TMPRSS11A: variants seen among roughly 807,000 people sequenced by gnomAD.
TMPRSS11A encodes transmembrane protease serine 11A.
Under a neutral mutation model 58.9 loss-of-function variants are expected in TMPRSS11A, and 53 were observed. The observed-to-expected ratio is 0.90, with a 90% confidence interval of 0.72 to 1.13. The LOEUF (loss-of-function observed/expected upper bound fraction) is 1.13. Among genes scored for constraint, TMPRSS11A ranks in the 50% most tolerant of loss-of-function variants. TMPRSS11A has a pLI of 0.00. For missense variants in TMPRSS11A, 493 were observed against 499.3 expected (o/e 0.99, Z 0.12); for synonymous variants, 167 against 169.8 (o/e 0.98, Z 0.13).
At chr4:67,956,330 A>C (rs781212759) in intron 1 of TMPRSS11A, among the ~76,000 whole-genome samples, 7 of 152,226 alleles carry the variant, frequency 4.6e-5, no homozygotes, top group Non-Finnish European at 8.8e-5. Flanking sequence ...GTCTGACTTC[A>C]AAGCCATCTG....
At chr4:67,948,947 C>T (rs965888069) in intron 1 of TMPRSS11A, among the ~76,000 whole-genome samples, 5 of 151,026 alleles carry the variant, frequency 3.3e-5, no homozygotes, top group East Asian at 1.9e-4. Flanking sequence ...GTGCCCCTCT[C>T]GATTGATTTC....
intron 3 of TMPRSS11A, among the ~76,000 whole-genome samples, chr4:67,932,479 C>T (rs961904311): frequency 6.6e-6 from 1 of 152,098 alleles, no homozygotes; most frequent in South Asian, 2.1e-4. Flanking sequence ...TGGATTTGAG[C>T]GTATACTACT....
At chr4:67,929,702 T>C (rs566734434) in intron 5 of TMPRSS11A, among the ~76,000 whole-genome samples, 178 bp downstream of exon 5, 1 of 152,194 alleles carries the variant, frequency 6.6e-6, no homozygotes, top group Non-Finnish European at 1.5e-5. Flanking sequence ...GATGACTAAC[T>C]TCAGACATGC....
At chr4:67,920,615 A>C (rs76582650) in intron 7 of TMPRSS11A, among the ~76,000 whole-genome samples, 8 of 149,830 alleles carry the variant, frequency 5.3e-5, no homozygotes, top group Non-Finnish European at 1.2e-4. Flanking sequence ...GTATGCATAT[A>C]TATGTGTGTG....
chr4:67,957,174 G>T (rs773833685), intron 1 of TMPRSS11A, among the ~76,000 whole-genome samples: 1 of 152,108 alleles, frequency 6.6e-6, no homozygotes, highest in Non-Finnish European at 1.5e-5. Context: ...GTGTGAAAAC[G>T]GACTAATACA....
intron 1 of TMPRSS11A, among the ~76,000 whole-genome samples, chr4:67,961,506 T>C (rs1398986120): frequency 0.14 from 9,728 of 67,434 alleles, 1,347 homozygotes; most frequent in South Asian, 0.19. Context: ...TTTTTTTTTT[T>C]TTTTTTTTTT....
chr4:67,947,413 T>C (rs754526883), intron 1 of TMPRSS11A, among the ~76,000 whole-genome samples: 6 of 148,906 alleles, frequency 4.0e-5, no homozygotes, highest in Non-Finnish European at 8.8e-5. Context: ...TTTAATGACA[T>C]TGACCATTGA....
intron 4 of TMPRSS11A, among the ~76,000 whole-genome samples, chr4:67,930,587 A>G (rs1029151751): frequency 2.0e-5 from 3 of 152,056 alleles, no homozygotes; most frequent in Non-Finnish European, 4.4e-5. Context: ...TTCCTCCTCT[A>G]GCCCAAATAT....
intron 4 of TMPRSS11A, among the ~76,000 whole-genome samples, chr4:67,930,617 G>A (rs1028599546): frequency 6.6e-6 from 1 of 151,658 alleles, no homozygotes; most frequent in Admixed American, 6.6e-5. Context: ...ACAATATTGT[G>A]GTCCCCGAGT....
chr4:67,909,797 A>T lies in TMPRSS11A; in HGVS notation c.*1545T>A, dbSNP rs529744092. The T allele has an allele frequency of 2.1e-3, 320 of 152,264 alleles. 2 individuals carry two copies. Among genetic ancestry groups the T allele is most frequent in the African/African-American group, 7.1e-3 (297 of 41,572 alleles). The allele number at this position is 152,264 out of a possible 1,614,324, so 9.4% of individuals were successfully genotyped here. A position where few individuals can be genotyped will look rare whatever the true frequency, so the allele number is the denominator to read the frequency against. ...AATAAAAATAGTTAAGAATATACTC[A>T]TATTCTTAAACATAACATAAGTATA... On this transcript the variant is annotated 3_prime_UTR_variant, in exon 10 of 10. Transcript: ENST00000508048.
intron 1 of TMPRSS11A, 104 bp from the exon 2 acceptor site, chr4:67,946,675 C>A (rs1399345185): frequency 1.2e-5 from 14 of 1,160,378 alleles, no homozygotes; most frequent in East Asian, 1.1e-4. Context: ...CCTTTCCCTG[C>A]AAAAAGGTCT....
At chr4:67,930,152 G>T in intron 4 of TMPRSS11A, 112 bp from the exon 5 acceptor site, 2 of 899,842 alleles carry the variant, frequency 2.2e-6, no homozygotes, top group Non-Finnish European at 3.3e-6. Flanking sequence ...AGAGTGTCAA[G>T]TGCTGATCCT....
In TMPRSS11A at chr4:67,944,824, A is replaced by C. The variant is rs148131137; in HGVS notation, c.134-187T>G. ...CTGCCATTTATTGAGTTTCTACAAT[A>C]TGGCAGGCACTGTCCTGTGCACTTT... is the stretch of plus-strand genomic sequence containing the variant. On this transcript the variant is annotated intron_variant, in intron 2 of 9. Transcript: ENST00000508048. Among the ~76,000 whole-genome samples, 64 of 152,320 alleles carry C rather than the reference A, an allele frequency of 4.2e-4. No homozygotes were observed. The East Asian group carries it at 0.012, about 29-fold the overall frequency.
At chr4:67,922,151 G>A (rs886539308) in intron 7 of TMPRSS11A, among the ~76,000 whole-genome samples, 2 of 152,174 alleles carry the variant, frequency 1.3e-5, no homozygotes, top group African/African-American at 4.8e-5. Flanking sequence ...TGGCCCAAGG[G>A]CCTCTATGAA....
In TMPRSS11A at chr4:67,911,302, G is replaced by T; in HGVS notation, c.*40C>A. 2 of 1,594,396 alleles carry T rather than the reference G, an allele frequency of 1.3e-6. No homozygotes were observed. The highest frequency in any genetic ancestry group is 1.7e-6 in the Non-Finnish European group (2 of 1,164,880). ...AATAGTTGAATTCTCATGCATATAT[G>T]ACCTGCATACAGCTTTCTTTGTTTA... is the stretch of plus-strand genomic sequence containing the variant. On this transcript the variant is annotated 3_prime_UTR_variant, in exon 10 of 10. Coordinates refer to ENST00000508048, the MANE Select transcript of TMPRSS11A (RefSeq NM_001114387.2).
intron 1 of TMPRSS11A, among the ~76,000 whole-genome samples, chr4:67,961,673 C>A (rs926043469): frequency 6.6e-6 from 1 of 151,648 alleles, no homozygotes. Context: ...CCACCATGCC[C>A]GGCTAATTGT....
intron 3 of TMPRSS11A, among the ~76,000 whole-genome samples, chr4:67,940,390 GT>G (rs1164511110): frequency 5.3e-5 from 8 of 151,948 alleles, no homozygotes; most frequent in Non-Finnish European, 1.0e-4. Flanking sequence ...TGGCTGGTAA[GT>G]TTTTTAAATT....
At chr4:67,956,977 A>T (rs1327961974) in intron 1 of TMPRSS11A, among the ~76,000 whole-genome samples, 1 of 152,172 alleles carries the variant, frequency 6.6e-6, no homozygotes, top group Non-Finnish European at 1.5e-5. Flanking sequence ...GATAAGTCTC[A>T]TGAGATCTGA....
rs1444544710 is a variant in TMPRSS11A at position 67,924,175 on chromosome 4, G to T, written c.482-9C>A. 4 of 1,612,364 alleles carry T rather than the reference G, an allele frequency of 2.5e-6. No individual in the cohort carries two copies. Among genetic ancestry groups the T allele is most frequent in the Non-Finnish European group, 3.4e-6 (4 of 1,178,804 alleles). ...TGTTGATGAGCTCATTGCTGAAAAA[G>T]AAGATAAAACAAATAGTGATAATTT... is the stretch of plus-strand genomic sequence containing the variant. On this transcript the variant is annotated splice_polypyrimidine_tract_variant and intron_variant, in intron 5 of 9. Coordinates refer to ENST00000508048, the MANE Select transcript of TMPRSS11A (RefSeq NM_001114387.2).
Sources: gnomAD v4.1 joint callset for allele counts (sites outside exome capture counted in the v4.1 genomes callset) on GRCh38, gnomAD v4.1.1 for gene constraint, MANE v1.5 for transcripts, NCBI Gene and HGNC (gene_info 2026-07-23, HGNC 2026-07-21) for gene names.